FDFT1: variants seen among roughly 807,000 people sequenced by gnomAD.
FDFT1 encodes squalene synthase.
Under a neutral mutation model 46.8 loss-of-function variants are expected in FDFT1, and 68 were observed. That is an observed-to-expected ratio of 1.45 (90% CI 1.19 to 1.78). The LOEUF is 1.78. Among genes scored for constraint, FDFT1 ranks in the 40% most tolerant of loss-of-function variants. FDFT1 has a pLI of 0.00. For missense variants in FDFT1, 928 were observed against 524.4 expected, an observed-to-expected ratio of 1.77 and a Z score of -7.52; for synonymous variants, 351 against 185.1, an observed-to-expected ratio of 1.90 and a Z score of -7.28.
intron 7 of FDFT1, among the ~76,000 whole-genome samples, chr8:11,835,651 C>T (rs965286775): frequency 2.6e-5 from 4 of 151,972 alleles, no homozygotes; most frequent in Admixed American, 6.6e-5. Flanking sequence ...TGTAAGATGG[C>T]TTATGGTTAT....
At chr8:11,835,032 G>A (rs1467006265) in intron 7 of FDFT1, among the ~76,000 whole-genome samples, 1 of 152,204 alleles carries the variant, frequency 6.6e-6, no homozygotes, top group Non-Finnish European at 1.5e-5. Context: ...CCTGAGACAT[G>A]AGCATCGCTT....
At chr8:11,805,105 C>T (rs1806661208) in intron 1 of FDFT1, among the ~76,000 whole-genome samples, 1 of 151,522 alleles carries the variant, frequency 6.6e-6, no homozygotes, top group African/African-American at 2.4e-5. Flanking sequence ...TTTGTAGACA[C>T]AATGTCTCGC....
Position 11,826,162 on chromosome 8 carries a change from A to T in FDFT1, c.649A>T (p.Ile217Phe), listed in dbSNP as rs1352841807. The change falls in exon 5 of 8, where the codon ATC becomes TTC. Residue 217 changes from isoleucine (I) to phenylalanine (F), a missense_variant. Ile to Phe is a conservative substitution (Grantham distance 21, BLOSUM62 0). Coordinates refer to ENST00000220584, the MANE Select transcript of FDFT1 (RefSeq NM_004462.5). ...MGLFLQKTNIIRDYLEDQQGG... is the reference protein window; with the variant it reads ...MGLFLQKTNIFRDYLEDQQGG... ...CCTGTTTTTGCAGAAAACAAACATC[A>T]TCCGTGACTATCTGGAAGACCAGCA... The T allele has an allele frequency of 1.3e-6, 2 of 1,598,316 alleles. No individual in the cohort carries two copies. The highest frequency in any genetic ancestry group is 1.7e-6 in the Non-Finnish European group (2 of 1,168,332).
rs1018204684 is a variant in FDFT1 at position 11,838,463 on chromosome 8, A to T, written c.1108A>T (p.Asn370Tyr). The change falls in exon 8 of 8, where the codon AAT (asparagine) becomes TAT (tyrosine). Residue 370 changes from asparagine to tyrosine, a missense_variant. By Grantham distance (143) the Asn-to-Tyr change is moderately radical (BLOSUM62 -2). Coordinates refer to ENST00000220584, the MANE Select transcript of FDFT1 (RefSeq NM_004462.5). ...RQIISTIRTQ[N>Y]LPNCQLISRS... is the part of the protein sequence containing the mutation. ...GATCATCTCCACCATCCGGACGCAG[A>T]ATCTTCCCAACTGTCAGCTGATTTC... The T allele has an allele frequency of 6.2e-7, 1 of 1,607,792 alleles. No individual in the cohort carries two copies. Among genetic ancestry groups the T allele is most frequent in the Non-Finnish European group, 8.5e-7 (1 of 1,176,386 alleles).
intron 2 of FDFT1, 189 bp downstream of exon 2, chr8:11,809,080 C>T: frequency 7.9e-7 from 1 of 1,264,204 alleles, no homozygotes; most frequent in Admixed American, 3.3e-5. Context: ...CTAGTAGAGT[C>T]CCTGCGGGCC....
intron 1 of FDFT1, 174 bp downstream of exon 1, chr8:11,803,105 C>T (rs1497042): frequency 0.57 from 816,093 of 1,429,088 alleles, 237,835 homozygotes; most frequent in East Asian, 0.68. Flanking sequence ...CGGGTGGACG[C>T]GGCCGTCCTG....
At chr8:11,807,471 T>G (rs974767195) in intron 1 of FDFT1, among the ~76,000 whole-genome samples, 172 of 152,220 alleles carry the variant, frequency 1.1e-3, no homozygotes, top group African/African-American at 3.9e-3. Flanking sequence ...CCCTGTTGGA[T>G]AAATGATTCC....
chr8:11,824,647 G>GT (rs1809715432), intron 4 of FDFT1, among the ~76,000 whole-genome samples: 1 of 151,608 alleles, frequency 6.6e-6, no homozygotes, highest in African/African-American at 2.4e-5. Flanking sequence ...CGACTTCTTT[G>GT]TGCCTCAGTT....
At chr8:11,813,360 CTA>C (rs1313092675) in intron 3 of FDFT1, among the ~76,000 whole-genome samples, 3 of 152,170 alleles carry the variant, frequency 2.0e-5, no homozygotes, top group South Asian at 2.1e-4. Context: ...GAGCATTTTA[CTA>C]TGAGTTACTT....
chr8:11,816,654 A>G (rs1180006257), intron 3 of FDFT1, among the ~76,000 whole-genome samples: 6 of 152,116 alleles, frequency 3.9e-5, no homozygotes, highest in Admixed American at 3.9e-4. Context: ...TTCACTCATG[A>G]TTTGGCTCCT....
At chr8:11,818,119 C>T (rs1808715527) in intron 3 of FDFT1, among the ~76,000 whole-genome samples, 1 of 152,154 alleles carries the variant, frequency 6.6e-6, no homozygotes, top group African/African-American at 2.4e-5. Flanking sequence ...TCGTTATGTA[C>T]CCAGTAGTCA....
At chr8:11,812,706 T>G (rs928523418) in intron 3 of FDFT1, among the ~76,000 whole-genome samples, 2 of 152,200 alleles carry the variant, frequency 1.3e-5, no homozygotes, top group African/African-American at 4.8e-5. Context: ...TGTCCTCTTA[T>G]CCCAGGCCTT....
intron 1 of FDFT1, among the ~76,000 whole-genome samples, chr8:11,804,217 C>CT (rs1340545843): frequency 6.6e-6 from 1 of 152,202 alleles, no homozygotes; most frequent in Non-Finnish European, 1.5e-5. Context: ...GAGGAAGATA[C>CT]TAGCAGGGCA....
chr8:11,827,284 T>A (rs1007439941), intron 5 of FDFT1, among the ~76,000 whole-genome samples: 1 of 151,976 alleles, frequency 6.6e-6, no homozygotes, highest in Non-Finnish European at 1.5e-5. Context: ...ACCATCTCTA[T>A]AAAAAATTGT....
At chr8:11,828,326 A>G (rs1810296847) in intron 5 of FDFT1, among the ~76,000 whole-genome samples, 1 of 152,042 alleles carries the variant, frequency 6.6e-6, no homozygotes, top group Non-Finnish European at 1.5e-5. Flanking sequence ...AACAAAAAAC[A>G]CTTCCCTCAG....
At chr8:11,806,963 A>AT (rs1425758715) in intron 1 of FDFT1, among the ~76,000 whole-genome samples, 4 of 152,064 alleles carry the variant, frequency 2.6e-5, no homozygotes, top group Non-Finnish European at 2.9e-5. Context: ...CTTTTTCAGG[A>AT]TTATGTGATT....
intron 1 of FDFT1, 162 bp from the exon 2 acceptor site, chr8:11,808,632 T>C: frequency 1.4e-6 from 2 of 1,396,296 alleles, no homozygotes; most frequent in Non-Finnish European, 1.9e-6. Context: ...GCGGGGCTGC[T>C]GCTTGCCTCC....
intron 1 of FDFT1, chr8:11,796,155 A>G (rs959285901): frequency 2.0e-5 from 3 of 152,274 alleles, no homozygotes; most frequent in South Asian, 2.1e-4. Flanking sequence ...GGATTTGGCA[A>G]TACAAGGCTA....
At position 11,826,205 on chromosome 8, in the gene FDFT1, G is replaced by T; in HGVS notation, c.692G>T (p.Trp231Leu). Residue 231 changes from tryptophan to leucine, a missense_variant, in exon 5 of 8, where the codon TGG becomes TTG. Trp to Leu is a moderately conservative substitution (Grantham distance 61). Coordinates refer to ENST00000220584, the MANE Select transcript of FDFT1 (RefSeq NM_004462.5). The part of the protein sequence containing the change: ...LEDQQGGREF[W>L]PQEVWSRYVK... The stretch of plus-strand genomic sequence containing the variant: ...GACCAGCAAGGAGGAAGAGAGTTCT[G>T]GCCTCAAGAGGTAACAGATTCAGGG... 6.5e-7 allele frequency: 1 copy of T among 1,541,638 alleles called. No individual in the cohort carries two copies. The highest frequency in any genetic ancestry group is 8.8e-7 in the Non-Finnish European group (1 of 1,131,044).
Sources: allele counts gnomAD v4.1 joint callset (sites outside exome capture counted in the v4.1 genomes callset), GRCh38; gene constraint gnomAD v4.1.1; transcripts MANE v1.5; gene names NCBI Gene and HGNC (gene_info 2026-07-23, HGNC 2026-07-21).